The following OTOGL variants were observed in gnomAD, a reference collection of about 807,000 sequenced individuals.
The protein encoded by OTOGL is otogelin like.
OTOGL carries 285 observed loss-of-function variants against 318.5 expected under a neutral mutation model. The observed-to-expected ratio is 0.89, with a 90% confidence interval of 0.81 to 0.99. The LOEUF (loss-of-function observed/expected upper bound fraction) is 0.99. OTOGL is among the 50% of genes least tolerant of loss of function. The probability of loss-of-function intolerance (pLI) is 0.00; values close to 1 mark genes in which losing one functional copy is unlikely to be tolerated. For synonymous variants in OTOGL, 987 were observed against 936.5 expected (o/e 1.05, Z -0.99); for missense variants, 2,899 against 2,845.6 (o/e 1.02, Z -0.43).
At chr12:80,298,088 C>T (rs1342139710) in intron 27 of OTOGL, among the ~76,000 whole-genome samples, 3 of 152,166 alleles carry the variant, frequency 2.0e-5, no homozygotes, top group African/African-American at 7.2e-5. Context: ...ATAATGTTTA[C>T]TGAATATCAA....
Position 80,144,876 on chromosome 12 carries a change from G to C in OTOGL, c.-20+45271G>C, listed in dbSNP as rs1295376846. ...CTTCTTTTGAGAAGTGTCTGTTCAT[G>C]TCCTTCACCCACTTTTTGATGGGGT... On this transcript the variant is annotated intron_variant, in intron 1 of 58. Transcript: ENST00000547103. Among the ~76,000 whole-genome samples, 3 of 151,840 alleles carry C rather than the reference G, an allele frequency of 2.0e-5. No individual in the cohort carries two copies. The East Asian group carries it at 5.8e-4, about 29-fold the overall frequency.
At chr12:80,364,310 A>AT (rs1221736246) in intron 52 of OTOGL, among the ~76,000 whole-genome samples, 1 of 152,172 alleles carries the variant, frequency 6.6e-6, no homozygotes. Context: ...GACTAAGGTG[A>AT]TTTTAAAAAA....
At chr12:80,242,085 C>T (rs1453028951) in intron 11 of OTOGL, among the ~76,000 whole-genome samples, 1 of 152,140 alleles carries the variant, frequency 6.6e-6, no homozygotes, top group African/African-American at 2.4e-5. Context: ...TGGCTGGCAG[C>T]CATCTACCTG....
intron 1 of OTOGL, among the ~76,000 whole-genome samples, chr12:80,175,031 G>A (rs1208051568): frequency 6.6e-6 from 1 of 151,902 alleles, no homozygotes; most frequent in Non-Finnish European, 1.5e-5. Flanking sequence ...GAATGCAGAA[G>A]GGTGTCTTAT....
At chr12:80,305,463 C>A in intron 28 of OTOGL, 113 bp from the exon 29 acceptor site, 1 of 914,724 alleles carries the variant, frequency 1.1e-6, no homozygotes, top group Non-Finnish European at 1.4e-6. Flanking sequence ...AAAATGATTG[C>A]TGTGAAAATG....
At position 80,219,804 on chromosome 12, in the gene OTOGL, TC is replaced by T; in HGVS notation, c.236-5del. On this transcript the variant is annotated splice_polypyrimidine_tract_variant and intron_variant, in intron 5 of 58. Transcript: ENST00000547103. ...CCAGAAGATAACTTTTTTTTTTTTT[TC>T]CCCCTCAGGTTCTTGTCCTTATGAA... 9 of 1,500,640 alleles carry T rather than the reference TC, an allele frequency of 6.0e-6. No homozygotes were observed. In the Admixed American group the frequency reaches 7.2e-5, roughly 12 times the overall value. 93.0% of individuals were successfully genotyped at this position (1,500,640 alleles called of 1,614,324 possible).
intron 9 of OTOGL, 70 bp downstream of exon 9, chr12:80,233,167 A>C: frequency 7.4e-7 from 1 of 1,358,532 alleles, no homozygotes; most frequent in Non-Finnish European, 9.9e-7. Flanking sequence ...AGTTGTTTGT[A>C]CCCAGAAGAC....
At chr12:80,186,744 T>C (rs900875240) in intron 1 of OTOGL, among the ~76,000 whole-genome samples, 2 of 152,030 alleles carry the variant, frequency 1.3e-5, no homozygotes, top group African/African-American at 4.8e-5. Context: ...TGTTATCCCA[T>C]GTAATAGAGT....
chr12:80,140,105 C>T (rs892720032), intron 1 of OTOGL, among the ~76,000 whole-genome samples: 2 of 152,170 alleles, frequency 1.3e-5, no homozygotes, highest in Non-Finnish European at 2.9e-5. Context: ...GTTCCACCTG[C>T]CTTGCCTCTC....
At chr12:80,203,414 A>G (rs1419067252) in intron 1 of OTOGL, among the ~76,000 whole-genome samples, 1 of 151,890 alleles carries the variant, frequency 6.6e-6, no homozygotes, top group Non-Finnish European at 1.5e-5. Flanking sequence ...ATCCTTAATC[A>G]TATCTGTAAA....
At chr12:80,112,613 A>G (rs917295566) in intron 1 of OTOGL, among the ~76,000 whole-genome samples, 1 of 152,046 alleles carries the variant, frequency 6.6e-6, no homozygotes, top group African/African-American at 2.4e-5. Flanking sequence ...TGTGGTGGAT[A>G]AGCTTTTTGA....
At position 80,356,420 on chromosome 12, in the gene OTOGL, T is replaced by G; in HGVS notation, c.5811T>G (p.Cys1937Trp). The change falls in exon 48 of 59, where the codon TGT (cysteine) becomes TGG (tryptophan). Residue 1937 changes from cysteine (C) to tryptophan (W), a missense_variant. By Grantham distance (215) the Cys-to-Trp change is radical. Coordinates refer to ENST00000547103, the MANE Select transcript of OTOGL (RefSeq NM_001378609.3). Reference sequence around the variant, plus strand: ...AACAGTTTTTCTTATTTATAGGATGTGACACGACTTTGTGTGAAACTAGCA... The same window carrying G: ...AACAGTTTTTCTTATTTATAGGATGGGACACGACTTTGTGTGAAACTAGCA... The part of the protein sequence containing the change: ...WTCCSKEVCG[C>W]DTTLCETSIP... 1 of 1,608,080 alleles carries G rather than the reference T, an allele frequency of 6.2e-7. No individual in the cohort carries two copies. The highest frequency in any genetic ancestry group is 8.5e-7 in the Non-Finnish European group (1 of 1,176,892).
chr12:80,310,753 C>T (rs376509073), intron 30 of OTOGL, 26 bp downstream of exon 30: 155 of 1,497,802 alleles, frequency 1.0e-4, no homozygotes, highest in Admixed American at 2.9e-4. Flanking sequence ...AATGAACTCT[C>T]GAGTTTCAAT....
rs775311083 is a variant in OTOGL at position 80,310,610 on chromosome 12, G to C, written c.3334-1G>C. ...TTTTCTCTCTTAAATTTTTTCAACA[G>C]TGTGAAAGTCCAGATGAAACAATTA... On this transcript the variant is annotated splice_acceptor_variant, in intron 29 of 58. Coordinates refer to ENST00000547103, the MANE Select transcript of OTOGL (RefSeq NM_001378609.3). LOFTEE classifies it high-confidence loss of function. 27 of 1,573,602 alleles carry C rather than the reference G, an allele frequency of 1.7e-5. No individual in the cohort carries two copies. The highest frequency in any genetic ancestry group is 2.2e-5 in the South Asian group (2 of 89,564).
At chr12:80,333,193 C>G (rs1355279208) in intron 38 of OTOGL, 115 bp downstream of exon 38, 1 of 809,350 alleles carries the variant, frequency 1.2e-6, no homozygotes, top group South Asian at 1.8e-5. Context: ...TCTAGTCTAG[C>G]CTTGCTAAAA....
intron 1 of OTOGL, among the ~76,000 whole-genome samples, chr12:80,204,004 C>T (rs1486583015): frequency 6.6e-6 from 1 of 152,130 alleles, no homozygotes; most frequent in African/African-American, 2.4e-5. Flanking sequence ...TGAAGAAAAC[C>T]TTCCAAGGGA....
chr12:80,209,571 A>G, intron 2 of OTOGL, 61 bp downstream of exon 2: 1 of 1,165,218 alleles, frequency 8.6e-7, no homozygotes, highest in Non-Finnish European at 1.2e-6. Context: ...CTTACAATTT[A>G]TACAAATAGT....
At chr12:80,202,219 G>T (rs1467742845) in intron 1 of OTOGL, among the ~76,000 whole-genome samples, 1 of 151,958 alleles carries the variant, frequency 6.6e-6, no homozygotes, top group Admixed American at 6.6e-5. Flanking sequence ...TTCCCGTTCG[G>T]GTTTTCACTT....
intron 1 of OTOGL, among the ~76,000 whole-genome samples, chr12:80,149,566 C>T (rs1210380074): frequency 2.0e-5 from 3 of 152,074 alleles, no homozygotes; most frequent in Non-Finnish European, 4.4e-5. Context: ...CAGAGGCAGG[C>T]AGGCCTCCTT....
Sources: gnomAD v4.1 joint callset for allele counts (sites outside exome capture counted in the v4.1 genomes callset) on GRCh38, gnomAD v4.1.1 for gene constraint, MANE v1.5 for transcripts, NCBI Gene and HGNC (gene_info 2026-07-23, HGNC 2026-07-21) for gene names.